MALRD1: variants seen among roughly 807,000 people sequenced by gnomAD.
MALRD1 encodes the protein MAM and LDL-receptor class A domain-containing protein 1.
MALRD1 carries 247 observed loss-of-function variants against 242.1 expected under a neutral mutation model. That is an observed-to-expected ratio of 1.02 (90% CI 0.92 to 1.13). The LOEUF (loss-of-function observed/expected upper bound fraction) is 1.13, where lower values mean the gene tolerates loss of function less well. Among genes scored for constraint, MALRD1 ranks in the 50% most tolerant of loss-of-function variants. MALRD1 has a pLI of 0.00. For synonymous variants in MALRD1, 995 were observed against 866.6 expected, an observed-to-expected ratio of 1.15 and a Z score of -2.60; for missense variants, 2,989 against 2,533.1, an observed-to-expected ratio of 1.18 and a Z score of -3.86.
At chr10:19,079,087 A>G (rs1343245795) in intron 2 of MALRD1, among the ~76,000 whole-genome samples, 1 of 150,874 alleles carries the variant, frequency 6.6e-6, no homozygotes, top group Non-Finnish European at 1.5e-5. Flanking sequence ...ATTAATGTTG[A>G]GATCTTTCCT....
At chr10:19,606,848 A>G (rs1187107655) in intron 34 of MALRD1, among the ~76,000 whole-genome samples, 1 of 152,148 alleles carries the variant, frequency 6.6e-6, no homozygotes. Context: ...ACTCTAACAC[A>G]TAAAACCAAT....
intron 18 of MALRD1, among the ~76,000 whole-genome samples, chr10:19,233,539 G>A (rs564552663): frequency 3.0e-4 from 46 of 151,494 alleles, no homozygotes; most frequent in East Asian, 1.4e-3. Flanking sequence ...CATTCTTTAA[G>A]TTACTAAAAT....
At chr10:19,125,953 G>A (rs755810915) in intron 7 of MALRD1, among the ~76,000 whole-genome samples, 17 of 151,924 alleles carry the variant, frequency 1.1e-4, no homozygotes, top group Non-Finnish European at 2.1e-4. Context: ...ATTTAGAAAA[G>A]ATCTGTGGTG....
At chr10:19,187,581 A>G (rs908059750) in intron 14 of MALRD1, among the ~76,000 whole-genome samples, 2 of 152,154 alleles carry the variant, frequency 1.3e-5, no homozygotes, top group Non-Finnish European at 2.9e-5. Flanking sequence ...TTATAGGATA[A>G]TAAGGCTGAG....
intron 26 of MALRD1, among the ~76,000 whole-genome samples, chr10:19,357,168 A>G (rs1844676557): frequency 6.6e-6 from 1 of 152,052 alleles, no homozygotes; most frequent in African/African-American, 2.4e-5. Flanking sequence ...GTGAAAGCAC[A>G]GGCACCATGT....
intron 26 of MALRD1, among the ~76,000 whole-genome samples, chr10:19,385,415 CATTA>C (rs1451364805): frequency 1.1e-4 from 17 of 151,962 alleles, no homozygotes; most frequent in Non-Finnish European, 2.9e-5. Context: ...ACTTCAATCT[CATTA>C]CTCATTATTG....
intron 28 of MALRD1, among the ~76,000 whole-genome samples, chr10:19,407,318 A>G (rs1000624572): frequency 6.6e-6 from 1 of 152,012 alleles, no homozygotes; most frequent in South Asian, 2.1e-4. Flanking sequence ...AAAAAATAAC[A>G]TAAAATAAAA....
At chr10:19,380,991 G>T (rs1845813614) in intron 26 of MALRD1, among the ~76,000 whole-genome samples, 1 of 150,310 alleles carries the variant, frequency 6.7e-6, no homozygotes, top group African/African-American at 2.5e-5. Flanking sequence ...CATGTGCCAT[G>T]CTGGTGGGCT....
intron 2 of MALRD1, among the ~76,000 whole-genome samples, chr10:19,070,125 T>C (rs138008380): frequency 1.3e-4 from 20 of 152,278 alleles, no homozygotes; most frequent in Admixed American, 9.2e-4. Context: ...GTTACCTTCA[T>C]TCTACTGATA....
chr10:19,593,840 C>G (rs1249107063), intron 33 of MALRD1, among the ~76,000 whole-genome samples: 3 of 152,138 alleles, frequency 2.0e-5, no homozygotes, highest in Admixed American at 6.5e-5. Flanking sequence ...GCTTCAGTGT[C>G]TTCGTTTGTA....
chr10:19,048,581 G>C (rs1834396396), upstream of MALRD1, among the ~76,000 whole-genome samples: 1 of 152,154 alleles, frequency 6.6e-6, no homozygotes, highest in South Asian at 2.1e-4. Context: ...TATTGTGGTT[G>C]CCTCTCCCCT....
At position 19,061,966 on chromosome 10, in the gene MALRD1, A is replaced by G. The variant is rs1304947324; in HGVS notation, c.200-4753A>G. ...AAACTTCTATTCATCAAAGGACAGT[A>G]TCAACAGAGTGAAAAGGCAATCCAC... On this transcript the variant is annotated intron_variant, in intron 1 of 39. Coordinates refer to ENST00000454679, the MANE Select transcript of MALRD1 (RefSeq NM_001142308.3). Among the ~76,000 whole-genome samples the G allele has an allele frequency of 2.6e-5, 4 of 152,358 alleles. No individual in the cohort carries two copies. The East Asian group carries it at 7.7e-4, about 29-fold the overall frequency.
At chr10:19,628,857 G>T (rs771381816) in intron 36 of MALRD1, among the ~76,000 whole-genome samples, 31 of 152,170 alleles carry the variant, frequency 2.0e-4, no homozygotes, top group Non-Finnish European at 3.8e-4. Context: ...TTCTAACAAA[G>T]TGTCCTGCGG....
chr10:19,271,735 C>T (rs1840255147), intron 19 of MALRD1, among the ~76,000 whole-genome samples: 1 of 152,146 alleles, frequency 6.6e-6, no homozygotes, highest in South Asian at 2.1e-4. Flanking sequence ...TGCACTCCAT[C>T]CTGGGCAACA....
intron 36 of MALRD1, among the ~76,000 whole-genome samples, chr10:19,645,731 G>T (rs906303907): frequency 1.3e-5 from 2 of 152,036 alleles, no homozygotes; most frequent in Non-Finnish European, 2.9e-5. Context: ...ACTGTTGTGG[G>T]GTGGGAGGAG....
chr10:19,279,871 T>C (rs188806167), intron 19 of MALRD1, among the ~76,000 whole-genome samples, 176 bp from the exon 20 acceptor site: 163 of 152,336 alleles, frequency 1.1e-3, no homozygotes, highest in African/African-American at 3.7e-3. Flanking sequence ...TGTTTAGTTA[T>C]TTACTGTTAC....
chr10:19,394,255 C>T (rs988751573), intron 28 of MALRD1, among the ~76,000 whole-genome samples: 1 of 152,128 alleles, frequency 6.6e-6, no homozygotes, highest in African/African-American at 2.4e-5. Context: ...GTCTTACTCT[C>T]AGCTATTCAT....
chr10:19,224,346 G>T (rs538599851), intron 18 of MALRD1, among the ~76,000 whole-genome samples: 1 of 151,056 alleles, frequency 6.6e-6, no homozygotes, highest in South Asian at 2.1e-4. Context: ...GAGTGCAGTG[G>T]CACAATTTCG....
intron 18 of MALRD1, among the ~76,000 whole-genome samples, chr10:19,235,113 C>A (rs73593854): frequency 6.6e-6 from 1 of 152,088 alleles, no homozygotes; most frequent in South Asian, 2.1e-4. Context: ...AGTGCATTGA[C>A]CTGCAGGCCA....
Sources: gnomAD v4.1 joint callset for allele counts (sites outside exome capture counted in the v4.1 genomes callset) on GRCh38, gnomAD v4.1.1 for gene constraint, MANE v1.5 for transcripts, NCBI Gene and HGNC (gene_info 2026-07-23, HGNC 2026-07-21) for gene names.